The following DGKI variants were observed in gnomAD, a reference collection of about 807,000 sequenced individuals.
DGKI encodes the protein DAG kinase iota.
In DGKI, 55 loss-of-function variants were observed where a neutral mutation model predicts 147.5. That is an observed-to-expected ratio of 0.37 (90% CI 0.30 to 0.47). The LOEUF (loss-of-function observed/expected upper bound fraction) is 0.47. DGKI is among the 20% of genes least tolerant of loss of function. The pLI is 1.00. For missense variants in DGKI, 1,007 were observed against 1,323.8 expected (o/e 0.76, Z 3.71); for synonymous variants, 469 against 477.1 (o/e 0.98, Z 0.22).
chr7:137,408,194 T>C (rs760048700), intron 29 of DGKI, among the ~76,000 whole-genome samples, 199 bp from the exon 30 acceptor site: 5 of 152,222 alleles, frequency 3.3e-5, no homozygotes, highest in Non-Finnish European at 5.9e-5. Context: ...CTTCTAACTC[T>C]GGAGAGAGTC....
chr7:137,664,656 G>A (rs2116315007), intron 3 of DGKI, among the ~76,000 whole-genome samples: 1 of 152,200 alleles, frequency 6.6e-6, no homozygotes, highest in East Asian at 1.9e-4. Flanking sequence ...GTTAAACCTT[G>A]GAATATTTAT....
At chr7:137,773,366 C>G (rs1333841605) in intron 1 of DGKI, among the ~76,000 whole-genome samples, 2 of 152,196 alleles carry the variant, frequency 1.3e-5, no homozygotes, top group African/African-American at 4.8e-5. Flanking sequence ...AAGATACTAT[C>G]AGGCGTTTGG....
intron 19 of DGKI, among the ~76,000 whole-genome samples, chr7:137,565,586 C>T (rs58048755): frequency 0.058 from 8,815 of 152,144 alleles, 625 homozygotes; most frequent in African/African-American, 0.17. Flanking sequence ...GAAAGCTGGA[C>T]GTGCCTTCTT....
intron 1 of DGKI, among the ~76,000 whole-genome samples, chr7:137,756,774 T>C (rs1795697343): frequency 6.6e-6 from 1 of 152,136 alleles, no homozygotes; most frequent in South Asian, 2.1e-4. Flanking sequence ...ATTGTGTAGA[T>C]TTAAGAGTTG....
chr7:137,745,641 T>C (rs573224515), intron 1 of DGKI, among the ~76,000 whole-genome samples: 50 of 152,266 alleles, frequency 3.3e-4, no homozygotes, highest in Non-Finnish European at 4.1e-4. Context: ...CCAGTGCTTG[T>C]GTTCAAGTAA....
At chr7:137,711,446 A>G (rs534888681) in intron 1 of DGKI, among the ~76,000 whole-genome samples, 1 of 152,356 alleles carries the variant, frequency 6.6e-6, no homozygotes, top group South Asian at 2.1e-4. Context: ...GTTGCATAGA[A>G]CAAAACATAT....
intron 28 of DGKI, among the ~76,000 whole-genome samples, chr7:137,420,834 C>A (rs757730942): frequency 6.6e-6 from 1 of 152,100 alleles, no homozygotes; most frequent in African/African-American, 2.4e-5. Flanking sequence ...GCCTGGCCAA[C>A]GTGGTACAAA....
intron 21 of DGKI, among the ~76,000 whole-genome samples, chr7:137,489,901 T>C (rs1310188786): frequency 6.6e-6 from 1 of 152,174 alleles, no homozygotes; most frequent in Non-Finnish European, 1.5e-5. Flanking sequence ...AAATTCAATG[T>C]ACTTCATAGC....
intron 20 of DGKI, among the ~76,000 whole-genome samples, chr7:137,534,428 G>A (rs834074): frequency 0.027 from 4,091 of 151,616 alleles, 177 homozygotes; most frequent in East Asian, 0.11. Flanking sequence ...TTTCCTTCCC[G>A]TTTATAGTCT....
intron 20 of DGKI, among the ~76,000 whole-genome samples, chr7:137,524,451 GA>G (rs997058724): frequency 4.6e-5 from 7 of 152,056 alleles, no homozygotes; most frequent in Non-Finnish European, 1.0e-4. Flanking sequence ...TGCAGGACAA[GA>G]ATAAAAATAA....
intron 30 of DGKI, among the ~76,000 whole-genome samples, chr7:137,402,085 G>GT (rs1421485915): frequency 6.6e-6 from 1 of 152,178 alleles, no homozygotes. Context: ...AGAGCTTACT[G>GT]TATAGGGTTG....
chr7:137,752,012 T>C (rs73729021), intron 1 of DGKI, among the ~76,000 whole-genome samples: 154 of 152,362 alleles, frequency 1.0e-3, no homozygotes, highest in African/African-American at 3.6e-3. Context: ...CATAAGGCTG[T>C]GTACCCAAAT....
At position 137,724,152 on chromosome 7, in the gene DGKI, G is replaced by A. The variant is rs1794652748; in HGVS notation, c.402-34150C>T. The stretch of plus-strand genomic sequence containing the variant: ...GTAACTTGAAATGCAAAGTCCCTTA[G>A]ATTTTTAGCTTGTTCAGGTAACAGC... On this transcript the variant is annotated intron_variant, in intron 1 of 32. Coordinates refer to ENST00000614521, the MANE Select transcript of DGKI (RefSeq NM_001321708.2). Among the ~76,000 whole-genome samples, 3 of 152,224 alleles carry A rather than the reference G, an allele frequency of 2.0e-5. No homozygotes were observed. The South Asian group carries it at 6.2e-4, about 32-fold the overall frequency.
chr7:137,750,170 TGTC>T (rs2116752669), intron 1 of DGKI, among the ~76,000 whole-genome samples: 1 of 152,198 alleles, frequency 6.6e-6, no homozygotes, highest in East Asian at 1.9e-4. Context: ...AAGATACCCT[TGTC>T]GTAGAGGAGC....
rs1811315374 is a variant in DGKI at position 137,390,417 on chromosome 7, G to C, written c.*803C>G. The C allele has an allele frequency of 6.6e-6, 1 of 152,668 alleles. No individual in the cohort carries two copies. Among genetic ancestry groups the C allele is most frequent in the Non-Finnish European group, 1.5e-5 (1 of 68,078 alleles). The allele number at this position is 152,668 out of a possible 1,614,324, so 9.5% of individuals were successfully genotyped here. A position where few individuals can be genotyped will look rare whatever the true frequency, so the allele number is the denominator to read the frequency against. ...AGGCAAAGATGGCTACACATAGGCA[G>C]TACGGAGCTGTACAGACAGCCCAAG... On this transcript the variant is annotated 3_prime_UTR_variant, in exon 33 of 33. Transcript: ENST00000614521.
At chr7:137,780,819 A>G (rs1350790325) in intron 1 of DGKI, among the ~76,000 whole-genome samples, 2 of 152,254 alleles carry the variant, frequency 1.3e-5, no homozygotes, top group Non-Finnish European at 2.9e-5. Context: ...AGGATCAAGA[A>G]TTGGACAGTT....
rs781580130 is a variant in DGKI, at chr7:137,846,161, T to TCTCTCTCTCTCTCTCTCTCTCTCACACA, written c.401+300_401+301insTGTGTGAGAGAGAGAGAGAGAGAGAGAG. Among the ~76,000 whole-genome samples, 1 of 108,182 alleles carries TCTCTCTCTCTCTCTCTCTCTCTCACACA rather than the reference T, an allele frequency of 9.2e-6. No homozygotes were observed. The highest frequency in any genetic ancestry group is 1.8e-5 in the Non-Finnish European group (1 of 55,330). 71.0% of individuals were successfully genotyped at this position (108,182 alleles called of 152,430 possible). On this transcript the variant is annotated intron_variant, in intron 1 of 32. Coordinates refer to ENST00000614521, the MANE Select transcript of DGKI (RefSeq NM_001321708.2). The surrounding 1 kb of genome is among the most constrained non-coding windows in gnomAD (Gnocchi z 4.0). Reference sequence around the variant, plus strand: ...CTCTCTCTCTCTCTCTCTCTCTCTCTCACACACACACACACACACACACAC... The same window carrying TCTCTCTCTCTCTCTCTCTCTCTCACACA: ...CTCTCTCTCTCTCTCTCTCTCTCTCTCTCTCTCTCTCTCTCTCTCTCTCACACACACACACACACACACACACACACAC...
chr7:137,642,970 G>GTGTGTGTA (rs1174777924), intron 6 of DGKI, among the ~76,000 whole-genome samples: 1 of 150,698 alleles, frequency 6.6e-6, no homozygotes, highest in African/African-American at 2.4e-5. Flanking sequence ...GTGTGTGTGT[G>GTGTGTGTA]TATGGGGGAT....
At chr7:137,638,519 T>C (rs13223798) in intron 6 of DGKI, among the ~76,000 whole-genome samples, 6 of 118,360 alleles carry the variant, frequency 5.1e-5, no homozygotes, top group East Asian at 2.7e-4. Flanking sequence ...TATGTGTGTA[T>C]ATATATACAC....
Sources: gnomAD v4.1 joint callset for allele counts (sites outside exome capture counted in the v4.1 genomes callset) on GRCh38, gnomAD v4.1.1 for gene constraint, Gnocchi (gnomAD v3.1) non-coding constraint, MANE v1.5 for transcripts, NCBI Gene and HGNC (gene_info 2026-07-23, HGNC 2026-07-21) for gene names.